Variants in ZNF195 observed in about 807,000 individuals in gnomAD.
ZNF195 encodes the protein zinc finger protein 195, also known as hypoxia-regulated factor-1.
Under a neutral mutation model 19.5 loss-of-function variants are expected in ZNF195, and 11 were observed. The ratio of observed to expected loss-of-function variants is 0.57; its 90% confidence interval spans 0.36 to 0.94. ZNF195 has a LOEUF of 0.94. Ranked by LOEUF, ZNF195 falls within the 40% of genes least tolerant of loss-of-function variation. The pLI is 0.01. For synonymous variants in ZNF195, 214 were observed against 248.1 expected (o/e 0.86, Z 1.29); for missense variants, 582 against 709.0 (o/e 0.82, Z 2.03).
Position 3,358,650 on chromosome 11 carries a change from C to T in ZNF195, c.*468G>A, listed in dbSNP as rs1290585528. The T allele has an allele frequency of 1.1e-4, 16 of 152,380 alleles. No homozygotes were observed. Among genetic ancestry groups the T allele is most frequent in the Admixed American group, 1.0e-3 (16 of 15,298 alleles). 9.4% of individuals were successfully genotyped at this position (152,380 alleles called of 1,614,324 possible). Reference sequence around the variant, plus strand: ...AAGTATATTTTGAATGTAATTATAACTCTACAAAAACTCAGTCTCATCCTC... The same window carrying T: ...AAGTATATTTTGAATGTAATTATAATTCTACAAAAACTCAGTCTCATCCTC... On this transcript the variant is annotated 3_prime_UTR_variant, in exon 6 of 6. Coordinates refer to ENST00000399602, the MANE Select transcript of ZNF195 (RefSeq NM_001130520.3).
chr11:3,378,780 A>G (rs1322001268), intron 1 of ZNF195, among the ~76,000 whole-genome samples: 5 of 152,160 alleles, frequency 3.3e-5, no homozygotes, highest in African/African-American at 9.7e-5. Flanking sequence ...CGGAGTCGGG[A>G]TTCTCCCTTC....
intron 1 of ZNF195, among the ~76,000 whole-genome samples, chr11:3,372,734 T>C (rs374877539): frequency 3.0e-4 from 45 of 152,318 alleles, no homozygotes; most frequent in African/African-American, 1.0e-3. Flanking sequence ...TTCTGTAATC[T>C]GTTTTCTTTT....
At chr11:3,377,636 AC>A in intron 1 of ZNF195, 2 of 1,238,876 alleles carry the variant, frequency 1.6e-6, no homozygotes, top group Non-Finnish European at 2.1e-6. Flanking sequence ...GGAAGAGTAG[AC>A]CAGGAGATTT....
At chr11:3,379,015 G>A (rs1269338620) in intron 1 of ZNF195, 23 bp downstream of exon 1, 2 of 1,422,642 alleles carry the variant, frequency 1.4e-6, no homozygotes, top group African/African-American at 1.5e-5. Context: ...CTGTCTCTCA[G>A]GAGGCCTGGC....
intron 3 of ZNF195, 54 bp from the exon 4 acceptor site, chr11:3,361,943 C>A: frequency 2.4e-6 from 1 of 413,140 alleles, no homozygotes; most frequent in South Asian, 1.7e-5. Context: ...CTTGTAGTCC[C>A]AACTACTCAG....
At chr11:3,365,021 C>T (rs4758574) in intron 3 of ZNF195, among the ~76,000 whole-genome samples, 138,695 of 152,274 alleles carry the variant, frequency 0.91, 63,248 homozygotes, top group East Asian at 0.99. Context: ...AGACACAATA[C>T]ACTGTAAGTC....
In ZNF195 at chr11:3,371,510, A is replaced by G. The variant is rs755610957; in HGVS notation, c.130+67T>C. 7.2e-5 allele frequency: 115 copies of G among 1,605,766 alleles called. 1 individual carries two copies. The highest frequency in any genetic ancestry group is 9.2e-5 in the Non-Finnish European group (108 of 1,174,482). On this transcript the variant is annotated intron_variant, in intron 2 of 5. Coordinates refer to ENST00000399602, the MANE Select transcript of ZNF195 (RefSeq NM_001130520.3). ...TGCAACGCAGAAACTCCCAAAAAAC[A>G]TTCCGCAGAGGAACGAAAGGAACTC... is the stretch of plus-strand genomic sequence containing the variant.
chr11:3,360,488 C>G lies in ZNF195; in HGVS notation c.520G>C (p.Gly174Arg). 2 of 1,608,998 alleles carry G rather than the reference C, an allele frequency of 1.2e-6. No homozygotes were observed. The highest frequency in any genetic ancestry group is 1.1e-5 in the South Asian group (1 of 90,658). ...TTATCAAGGCCACAATTTCCATATC[C>G]TCTCAGTATTCTTTTTGGGAATGCA... The part of the protein sequence containing the change: ...QDAFPKRILR[G>R]YGNCGLDNLY... Residue 174 changes from glycine (G) to arginine (R), a missense_variant, in exon 6 of 6, where the codon GGA becomes CGA. Transcript: ENST00000399602.
intron 1 of ZNF195, chr11:3,377,807 G>C: frequency 2.0e-6 from 2 of 991,776 alleles, no homozygotes; most frequent in Non-Finnish European, 2.4e-6. Flanking sequence ...CTGAAACTGA[G>C]GAAAAAGTCC....
At chr11:3,378,855 G>T (rs1017600568) in intron 1 of ZNF195, among the ~76,000 whole-genome samples, 183 bp downstream of exon 1, 1 of 152,198 alleles carries the variant, frequency 6.6e-6, no homozygotes. Context: ...CTGGGCTTGG[G>T]CCAAAGCCGC....
At chr11:3,372,908 T>C (rs970007725) in intron 1 of ZNF195, among the ~76,000 whole-genome samples, 6 of 152,094 alleles carry the variant, frequency 3.9e-5, no homozygotes, top group Non-Finnish European at 4.4e-5. Context: ...ATTTTTGTAT[T>C]TTTTTAGTAG....
chr11:3,372,151 A>C (rs141254281), intron 1 of ZNF195, among the ~76,000 whole-genome samples: 1 of 152,220 alleles, frequency 6.6e-6, no homozygotes, highest in East Asian at 1.9e-4. Context: ...GCCCAAGGAC[A>C]ATATTTTGTC....
chr11:3,375,871 C>G (rs927859794), intron 1 of ZNF195, among the ~76,000 whole-genome samples: 5 of 152,192 alleles, frequency 3.3e-5, no homozygotes, highest in African/African-American at 1.2e-4. Context: ...TGAGCCCCGT[C>G]TGCACAGTGC....
chr11:3,361,823 G>A lies in ZNF195; in HGVS notation c.293C>T (p.Ser98Leu), dbSNP rs1368657342. Residue 98 changes from serine to leucine, a missense_variant, in exon 4 of 6, where the codon TCA becomes TTA. By Grantham distance (145) the Ser-to-Leu change is moderately radical. Transcript: ENST00000399602. ...TGTAATCCCAGCACTTTGGGAGGCT[G>A]AGGCAGGCAGATCGCTTGAGCCCAG... ...ELLGSSDLPA[S>L]ASQSAGITGV... 1.2e-5 allele frequency: 9 copies of A among 761,038 alleles called. No individual in the cohort carries two copies. Among genetic ancestry groups the A allele is most frequent in the Non-Finnish European group, 1.6e-5 (8 of 494,142 alleles). 47.1% of individuals were successfully genotyped at this position (761,038 alleles called of 1,614,324 possible).
chr11:3,376,289 G>A (rs932868028), intron 1 of ZNF195, among the ~76,000 whole-genome samples: 2 of 151,830 alleles, frequency 1.3e-5, no homozygotes, highest in African/African-American at 4.8e-5. Flanking sequence ...TGGCTTCCCT[G>A]GGCCACACAT....
Position 3,359,027 on chromosome 11 carries a change from G to C in ZNF195, c.*91C>G, listed in dbSNP as rs1051515042. On this transcript the variant is annotated 3_prime_UTR_variant, in exon 6 of 6. Transcript: ENST00000399602. This position sits in a 1 kb window ranked among gnomAD's most constrained non-coding sequence, Gnocchi z 5.5. The stretch of plus-strand genomic sequence containing the variant: ...GTCTTTCAATAGTAATTACATTTAT[G>C]ATAACTTTATTAAGTCTGAACTCTG... 4 of 1,386,282 alleles carry C rather than the reference G, an allele frequency of 2.9e-6. No homozygotes were observed. In the African/African-American group the frequency reaches 5.8e-5, roughly 20 times the overall value. The allele number at this position is 1,386,282 out of a possible 1,614,324, so 85.9% of individuals were successfully genotyped here.
intron 3 of ZNF195, among the ~76,000 whole-genome samples, chr11:3,363,826 C>T (rs750131877): frequency 6.6e-5 from 10 of 151,960 alleles, no homozygotes; most frequent in Non-Finnish European, 1.2e-4. Flanking sequence ...GACAAATAGA[C>T]CAATAAAACA....
intron 3 of ZNF195, among the ~76,000 whole-genome samples, chr11:3,364,811 A>G (rs1048101782): frequency 5.9e-5 from 9 of 152,264 alleles, no homozygotes. Context: ...GGTGATAGTA[A>G]CTTCATTTCC....
chr11:3,359,032 C>G lies in ZNF195; in HGVS notation c.*86G>C. The G allele has an allele frequency of 7.1e-7, 1 of 1,409,094 alleles. No individual in the cohort carries two copies. Among genetic ancestry groups the G allele is most frequent in the Non-Finnish European group, 9.3e-7 (1 of 1,074,140 alleles). The allele number at this position is 1,409,094 out of a possible 1,614,324, so 87.3% of individuals were successfully genotyped here. On this transcript the variant is annotated 3_prime_UTR_variant, in exon 6 of 6. Coordinates refer to ENST00000399602, the MANE Select transcript of ZNF195 (RefSeq NM_001130520.3). This position sits in a 1 kb window ranked among gnomAD's most constrained non-coding sequence, Gnocchi z 5.5. Reference sequence around the variant, plus strand: ...TCAATAGTAATTACATTTATGATAACTTTATTAAGTCTGAACTCTGATGTA... The same window carrying G: ...TCAATAGTAATTACATTTATGATAAGTTTATTAAGTCTGAACTCTGATGTA...
Sources: allele counts gnomAD v4.1 joint callset (sites outside exome capture counted in the v4.1 genomes callset), GRCh38; gene constraint gnomAD v4.1.1; non-coding constraint Gnocchi (gnomAD v3.1); transcripts MANE v1.5; gene names NCBI Gene and HGNC (gene_info 2026-07-23, HGNC 2026-07-21).